STIP1: variants seen among roughly 807,000 people sequenced by gnomAD.
STIP1 encodes the protein stress-induced-phosphoprotein 1.
A neutral mutation model predicts 77.4 loss-of-function variants in STIP1; 16 were observed. The observed-to-expected ratio is 0.21, with a 90% CI of 0.14 to 0.31. STIP1 has a LOEUF of 0.31. STIP1 is among the 10% of genes least tolerant of loss of function. STIP1 has a pLI of 1.00. For missense variants in STIP1, 524 were observed against 684.8 expected (o/e 0.77, Z 2.62); for synonymous variants, 258 against 246.6 (o/e 1.05, Z -0.44).
chr11:64,193,377 T>G, intron 2 of STIP1, 90 bp downstream of exon 2: 1 of 1,178,340 alleles, frequency 8.5e-7, no homozygotes, highest in Non-Finnish European at 1.2e-6. Flanking sequence ...CCTGATACAC[T>G]GATAGTTACC....
intron 8 of STIP1, 63 bp downstream of exon 8, chr11:64,198,037 C>T: frequency 1.3e-6 from 2 of 1,534,722 alleles, no homozygotes; most frequent in Non-Finnish European, 8.8e-7. Flanking sequence ...TTGTTTCTTA[C>T]TGTTTTATTT....
At chr11:64,198,925 T>G (rs1375215405) in intron 8 of STIP1, among the ~76,000 whole-genome samples, 2 of 149,848 alleles carry the variant, frequency 1.3e-5, no homozygotes, top group African/African-American at 4.9e-5. Context: ...AATAGCCGGG[T>G]GCAGTGGCTC....
At position 64,204,094 on chromosome 11, in the gene STIP1, C is replaced by G; in HGVS notation, c.1600C>G (p.Leu534Val). The G allele has an allele frequency of 6.2e-7, 1 of 1,614,236 alleles. No individual in the cohort carries two copies. Residue 534 changes from leucine (L) to valine (V), a missense_variant, in exon 14 of 14, where the codon CTG becomes GTG. Physicochemically the swap from Leu to Val is conservative, Grantham distance 32 (BLOSUM62 1). Coordinates refer to ENST00000305218, the MANE Select transcript of STIP1 (RefSeq NM_006819.3). ...TGTAATAGCACAGAAGATCCAGAAG[C>G]TGATGGATGTGGGTCTGATTGCAAT... ...NPVIAQKIQK[L>V]MDVGLIAIR
upstream of STIP1, chr11:64,185,885 C>T: frequency 2.6e-6 from 4 of 1,536,142 alleles, no homozygotes; most frequent in Non-Finnish European, 3.5e-6. Context: ...AACCAATGGG[C>T]GCGGCCAGCG....
chr11:64,195,529 A>G, intron 4 of STIP1, 116 bp from the exon 5 acceptor site: 4 of 1,039,246 alleles, frequency 3.8e-6, no homozygotes, highest in Non-Finnish European at 5.5e-6. Flanking sequence ...CCATCTTTTG[A>G]TGGGTGAGGA....
At chr11:64,190,461 A>ACT (rs1366652487) in intron 1 of STIP1, among the ~76,000 whole-genome samples, 6 of 152,246 alleles carry the variant, frequency 3.9e-5, no homozygotes, top group South Asian at 2.1e-4. Context: ...GGCGTGAGCC[A>ACT]CTGCACCCGG....
chr11:64,203,280 G>T (rs1231858657), intron 12 of STIP1, 52 bp downstream of exon 12: 1 of 1,603,874 alleles, frequency 6.2e-7, no homozygotes, highest in African/African-American at 1.3e-5. Flanking sequence ...TCTCTGTTGG[G>T]GCTTTTCCAT....
Position 64,193,119 on chromosome 11 carries a change from G to A in STIP1, c.51G>A (p.Val17=), listed in dbSNP as rs779754397. Residue 17 remains valine, a synonymous_variant, in exon 2 of 14, where the codon GTG becomes GTA. Coordinates refer to ENST00000305218, the MANE Select transcript of STIP1 (RefSeq NM_006819.3). ...AGAAAGGCAACAAGGCCCTGAGCGT[G>A]GGTAACATCGATGATGCCTTACAGT... ...LKEKGNKALS[V]GNIDDALQCY... is the part of the protein sequence containing the mutation. 28 of 1,614,048 alleles carry A rather than the reference G, an allele frequency of 1.7e-5. No individual in the cohort carries two copies. Among genetic ancestry groups the A allele is most frequent in the Non-Finnish European group, 2.4e-5 (28 of 1,180,038 alleles).
At chr11:64,189,735 C>T (rs1946070193) in intron 1 of STIP1, among the ~76,000 whole-genome samples, 1 of 152,098 alleles carries the variant, frequency 6.6e-6, no homozygotes, top group African/African-American at 2.4e-5. Context: ...TGGTCATGAC[C>T]TACAAAATTG....
Position 64,197,609 on chromosome 11 carries a change from T to A in STIP1, c.902+14T>A, listed in dbSNP as rs1169629946. 1 of 1,613,750 alleles carries A rather than the reference T, an allele frequency of 6.2e-7. No individual in the cohort carries two copies. The highest frequency in any genetic ancestry group is 1.7e-5 in the Admixed American group (1 of 59,962). The stretch of plus-strand genomic sequence containing the variant: ...ACAGATTGCCAAGTAGGCTCAACCT[T>A]CCAGAATACCTTGAGTAGCGCGGAG... On this transcript the variant is annotated intron_variant, in intron 7 of 13. Coordinates refer to ENST00000305218, the MANE Select transcript of STIP1 (RefSeq NM_006819.3).
At chr11:64,192,944 C>A in intron 1 of STIP1, 134 bp from the exon 2 acceptor site, 1 of 840,628 alleles carries the variant, frequency 1.2e-6, no homozygotes, top group Non-Finnish European at 1.8e-6. Context: ...AATAAATGAA[C>A]CGGTTTTCTC....
chr11:64,191,754 T>C (rs1362189473), intron 1 of STIP1, among the ~76,000 whole-genome samples: 1 of 150,540 alleles, frequency 6.6e-6, no homozygotes, highest in Non-Finnish European at 1.5e-5. Flanking sequence ...AAGGCCTGCC[T>C]CACTTTTTTT....
At chr11:64,197,098 A>T in intron 5 of STIP1, 173 bp from the exon 6 acceptor site, 2 of 809,312 alleles carry the variant, frequency 2.5e-6, no homozygotes. Context: ...GTTAGTTTTC[A>T]TTCTAACGGC....
chr11:64,194,079 T>C lies in STIP1; in HGVS notation c.220-110T>C, dbSNP rs943252909. The C allele has an allele frequency of 4.1e-6, 6 of 1,448,508 alleles. No individual in the cohort carries two copies. In the African/African-American group the frequency reaches 4.3e-5, roughly 10 times the overall value. The allele number at this position is 1,448,508 out of a possible 1,614,324, so 89.7% of individuals were successfully genotyped here. ...CTCCTTTTTTTCTCTTTGGCCTTCA[T>C]GTGAATACTCATTTTTCCCCCATAA... On this transcript the variant is annotated intron_variant, in intron 2 of 13. Coordinates refer to ENST00000305218, the MANE Select transcript of STIP1 (RefSeq NM_006819.3).
At chr11:64,189,303 G>A (rs886188181) in intron 1 of STIP1, among the ~76,000 whole-genome samples, 15 of 152,308 alleles carry the variant, frequency 9.8e-5, no homozygotes, top group African/African-American at 3.6e-4. Flanking sequence ...GGACCTTGAA[G>A]TGAGCCGAGA....
At chr11:64,185,991 G>T (rs1946009090), upstream of STIP1, 3 of 1,541,778 alleles carry the variant, frequency 1.9e-6, no homozygotes, top group Non-Finnish European at 2.6e-6. Flanking sequence ...TTATAGAGGA[G>T]CGCCCAATCC....
At chr11:64,188,343 C>CAAAAA (rs35340432) in intron 1 of STIP1, among the ~76,000 whole-genome samples, 3 of 100,542 alleles carry the variant, frequency 3.0e-5, no homozygotes, top group African/African-American at 4.2e-5. Flanking sequence ...GACTCCATCT[C>CAAAAA]AAAAAAAAAA....
intron 13 of STIP1, chr11:64,203,851 C>T (rs1036817510): frequency 1.3e-6 from 1 of 770,796 alleles, no homozygotes; most frequent in Non-Finnish European, 2.1e-6. Flanking sequence ...AAGGTCTTGA[C>T]TGGAAGCTGT....
chr11:64,202,720 T>G, intron 10 of STIP1, 156 bp from the exon 11 acceptor site: 1 of 761,406 alleles, frequency 1.3e-6, no homozygotes. Flanking sequence ...TTGTCTTGTG[T>G]GGGATGATCC....
Sources: allele counts gnomAD v4.1 joint callset (sites outside exome capture counted in the v4.1 genomes callset), GRCh38; gene constraint gnomAD v4.1.1; transcripts MANE v1.5; gene names NCBI Gene and HGNC (gene_info 2026-07-23, HGNC 2026-07-21).